CRACR2A: variants seen among roughly 807,000 people sequenced by gnomAD.
The protein encoded by CRACR2A is calcium release activated channel regulator 2A, also known as EF-hand calcium-binding domain-containing protein 4B.
Under a neutral mutation model 90.5 loss-of-function variants are expected in CRACR2A, and 79 were observed. That is an observed-to-expected ratio of 0.87 (90% CI 0.73 to 1.05). The LOEUF (loss-of-function observed/expected upper bound fraction) is 1.05. Ranked by LOEUF, CRACR2A falls within the 50% of genes least tolerant of loss-of-function variation. The pLI, the probability that CRACR2A is intolerant of heterozygous loss-of-function variation, is 0.00. For synonymous variants in CRACR2A, 338 were observed against 356.7 expected, an observed-to-expected ratio of 0.95 and a Z score of 0.59; for missense variants, 823 against 897.2, an observed-to-expected ratio of 0.92 and a Z score of 1.06.
At chr12:3,735,084 A>ATTT (rs34792866) in intron 1 of CRACR2A, among the ~76,000 whole-genome samples, 37 of 152,050 alleles carry the variant, frequency 2.4e-4, no homozygotes, top group African/African-American at 8.4e-4. Context: ...TATAAAAAAA[A>ATTT]TTTTCTCTTT....
chr12:3,689,808 T>C (rs1284588941), intron 4 of CRACR2A, among the ~76,000 whole-genome samples: 2 of 151,430 alleles, frequency 1.3e-5, no homozygotes, highest in Non-Finnish European at 3.0e-5. Context: ...AGGCTATTTA[T>C]TACTGATTCA....
At chr12:3,637,671 A>G (rs182211455) in intron 14 of CRACR2A, among the ~76,000 whole-genome samples, 1,441 of 140,348 alleles carry the variant, frequency 0.01, 12 homozygotes, top group Non-Finnish European at 0.015. Flanking sequence ...CACCCTATCT[A>G]AAAAAAAAAA....
chr12:3,616,662 A>T (rs1322415519), intron 19 of CRACR2A, among the ~76,000 whole-genome samples: 1 of 152,242 alleles, frequency 6.6e-6, no homozygotes, highest in Non-Finnish European at 1.5e-5. Context: ...ATTGGCATTT[A>T]AAAAGAGCAT....
chr12:3,666,588 C>T (rs1050684681), intron 7 of CRACR2A, among the ~76,000 whole-genome samples: 1 of 152,230 alleles, frequency 6.6e-6, no homozygotes, highest in Non-Finnish European at 1.5e-5. Context: ...CTGCCAGCCT[C>T]CCACAGGAAC....
chr12:3,752,599 C>G (rs1039149623), intron 1 of CRACR2A: 2 of 152,454 alleles, frequency 1.3e-5, no homozygotes, highest in African/African-American at 4.8e-5. Context: ...ATGCTGCCTG[C>G]GTGGCCAGGG....
At chr12:3,671,639 T>C (rs1945244398) in intron 7 of CRACR2A, among the ~76,000 whole-genome samples, 1 of 152,210 alleles carries the variant, frequency 6.6e-6, no homozygotes, top group Admixed American at 6.5e-5. Context: ...ACAGCAAGTC[T>C]CTACACTGTT....
rs1945386903 is a variant in CRACR2A at position 3,678,827 on chromosome 12, T to A, written c.524+88A>T. 1.2e-5 allele frequency: 17 copies of A among 1,406,694 alleles called. No individual in the cohort carries two copies. In the South Asian group the frequency reaches 2.2e-4, roughly 18 times the overall value. The allele number at this position is 1,406,694 out of a possible 1,614,324, so 87.1% of individuals were successfully genotyped here. On this transcript the variant is annotated intron_variant, in intron 6 of 19. Transcript: ENST00000440314. ...TTCCAGTGCAGGGACCAGCACCACA[T>A]GGTTAACAAATGTTAATTGTTGAAT... is the stretch of plus-strand genomic sequence containing the variant.
chr12:3,748,775 T>C (rs1946661186), intron 1 of CRACR2A, among the ~76,000 whole-genome samples: 2 of 152,174 alleles, frequency 1.3e-5, no homozygotes, highest in Non-Finnish European at 2.9e-5. Context: ...GTGTGGAGCC[T>C]GTAGAGGACA....
At chr12:3,693,448 A>G (rs1945685633) in intron 4 of CRACR2A, among the ~76,000 whole-genome samples, 1 of 152,234 alleles carries the variant, frequency 6.6e-6, no homozygotes, top group Admixed American at 6.5e-5. Flanking sequence ...TCTAGGACTA[A>G]AGTCTCCTGT....
At chr12:3,705,805 A>G (rs912690460) in intron 3 of CRACR2A, among the ~76,000 whole-genome samples, 3 of 152,194 alleles carry the variant, frequency 2.0e-5, no homozygotes, top group Admixed American at 2.0e-4. Flanking sequence ...AATTGAATTG[A>G]CTTATAGGAT....
rs192923448 is a variant in CRACR2A at position 3,685,592 on chromosome 12, C to T, written c.229-5243G>A. On this transcript the variant is annotated intron_variant, in intron 4 of 19. Coordinates refer to ENST00000440314, the MANE Select transcript of CRACR2A (RefSeq NM_001144958.2). ...TGACACATGCTACGATACAGATGAACCTTGAGGACATTATACTAAGTGAAA... is the reference window on the plus strand; with the variant it reads ...TGACACATGCTACGATACAGATGAATCTTGAGGACATTATACTAAGTGAAA... Among the ~76,000 whole-genome samples the T allele has an allele frequency of 3.8e-4, 58 of 152,260 alleles. No individual in the cohort carries two copies. In the East Asian group the frequency reaches 0.011, roughly 29 times the overall value.
chr12:3,670,911 G>A (rs1945228770), intron 7 of CRACR2A, among the ~76,000 whole-genome samples: 1 of 152,216 alleles, frequency 6.6e-6, no homozygotes, highest in African/African-American at 2.4e-5. Flanking sequence ...AGTGGGCCTT[G>A]ATCAGCTGAC....
At chr12:3,684,872 G>T (rs1945525033) in intron 4 of CRACR2A, among the ~76,000 whole-genome samples, 1 of 152,234 alleles carries the variant, frequency 6.6e-6, no homozygotes. Flanking sequence ...CCCAAAGAAA[G>T]AATTAAGCTG....
In CRACR2A at chr12:3,698,180, A is replaced by AT. The variant is rs542810804; in HGVS notation, c.-36-1146dup. Among the ~76,000 whole-genome samples, 153 of 151,986 alleles carry AT rather than the reference A, an allele frequency of 1.0e-3. No individual in the cohort carries two copies. In the East Asian group the frequency reaches 0.012, roughly 12 times the overall value. The stretch of plus-strand genomic sequence containing the variant: ...TAAAAGGAAATAATAACATCCTTGG[A>AT]TTTTTTTTTCCATCTGAAGACTTTT... On this transcript the variant is annotated intron_variant, in intron 3 of 19. Coordinates refer to ENST00000440314, the MANE Select transcript of CRACR2A (RefSeq NM_001144958.2).
At chr12:3,724,588 A>AGT (rs1218469192) in intron 2 of CRACR2A, among the ~76,000 whole-genome samples, 6 of 152,234 alleles carry the variant, frequency 3.9e-5, no homozygotes, top group African/African-American at 1.4e-4. Flanking sequence ...GCTTGTCAGA[A>AGT]GTGATGTGAC....
chr12:3,632,715 G>T (rs1345005553), intron 15 of CRACR2A, among the ~76,000 whole-genome samples: 5 of 152,224 alleles, frequency 3.3e-5, no homozygotes, highest in African/African-American at 9.7e-5. Context: ...TGTCGACTGT[G>T]CTGAACAGTA....
At chr12:3,720,345 A>G (rs777760990) in intron 2 of CRACR2A, among the ~76,000 whole-genome samples, 119 of 144,418 alleles carry the variant, frequency 8.2e-4, no homozygotes, top group Non-Finnish European at 1.6e-3. Flanking sequence ...AGAAAGAAAG[A>G]AAGAAAAAGG....
intron 4 of CRACR2A, among the ~76,000 whole-genome samples, chr12:3,684,455 G>A (rs1486616126): frequency 6.6e-6 from 1 of 152,126 alleles, no homozygotes; most frequent in Non-Finnish European, 1.5e-5. Flanking sequence ...GGAGGGGAAG[G>A]CAGGGGAGGG....
rs527954397 is a variant in CRACR2A, at chr12:3,680,414, C to T, written c.229-65G>A. The T allele has an allele frequency of 7.2e-6, 10 of 1,380,882 alleles. No individual in the cohort carries two copies. In the East Asian group the frequency reaches 2.1e-4, roughly 29 times the overall value. The allele number at this position is 1,380,882 out of a possible 1,614,324, so 85.5% of individuals were successfully genotyped here. A position where few individuals can be genotyped will look rare whatever the true frequency, so the allele number is the denominator to read the frequency against. On this transcript the variant is annotated intron_variant, in intron 4 of 19. Coordinates refer to ENST00000440314, the MANE Select transcript of CRACR2A (RefSeq NM_001144958.2). ...CACTGGTGGGGGAGGTGACCTGGGA[C>T]TGCAGAGCCTTCTGCCAGAAAGTGT...
Sources: allele counts gnomAD v4.1 joint callset (sites outside exome capture counted in the v4.1 genomes callset), GRCh38; gene constraint gnomAD v4.1.1; transcripts MANE v1.5; gene names NCBI Gene and HGNC (gene_info 2026-07-23, HGNC 2026-07-21).